Variants in HDX observed in about 807,000 individuals in gnomAD.
HDX encodes the protein chromosome X open reading frame 43.
Under a neutral mutation model 45.2 loss-of-function variants are expected in HDX, and 19 were observed. The ratio of observed to expected loss-of-function variants is 0.42; its 90% CI spans 0.29 to 0.62. HDX has a LOEUF of 0.62. HDX is among the 20% of genes least tolerant of loss of function. HDX has a pLI of 0.20. For missense variants in HDX, 532 were observed against 493.9 expected (o/e 1.08, Z -0.73); for synonymous variants, 188 against 172.8 (o/e 1.09, Z -0.69).
intron 6 of HDX, among the ~76,000 whole-genome samples, chrX:84,354,544 A>G (rs1490478809): frequency 1.8e-5 from 2 of 110,582 alleles, no homozygotes; most frequent in African/African-American, 6.6e-5. Context: ...TCCTCAGGGA[A>G]CTTAAATGTA....
At chrX:84,415,489 G>A (rs747121899) in intron 5 of HDX, among the ~76,000 whole-genome samples, 1 of 111,809 alleles carries the variant, frequency 8.9e-6, no homozygotes, top group Non-Finnish European at 1.9e-5. Flanking sequence ...TAATTAGGGA[G>A]TACTGAACCT....
chrX:84,327,225 A>T (rs1250538485), intron 9 of HDX, among the ~76,000 whole-genome samples: 1 of 111,777 alleles, frequency 8.9e-6, no homozygotes, highest in East Asian at 2.8e-4. Flanking sequence ...AATATTTGGG[A>T]GTATTCTAGT....
At chrX:84,369,485 A>T (rs752665917) in intron 5 of HDX, among the ~76,000 whole-genome samples, 1 of 111,318 alleles carries the variant, frequency 9.0e-6, no homozygotes, top group South Asian at 3.8e-4. Flanking sequence ...TTTTTGAGAA[A>T]CCTCCATACT....
chrX:84,377,418 T>A (rs2038082903), intron 5 of HDX, among the ~76,000 whole-genome samples: 1 of 111,538 alleles, frequency 9.0e-6, no homozygotes, highest in African/African-American at 3.3e-5. Context: ...CACAAGGGAC[T>A]AATCCTGGAG....
chrX:84,397,328 G>A (rs1157024886), intron 5 of HDX, among the ~76,000 whole-genome samples: 1 of 111,762 alleles, frequency 8.9e-6, no homozygotes, highest in Non-Finnish European at 1.9e-5. Context: ...TGGGATCTGG[G>A]ATCTCAAAAT....
chrX:84,403,306 AT>A (rs1226012244), intron 5 of HDX, among the ~76,000 whole-genome samples: 1 of 111,334 alleles, frequency 9.0e-6, no homozygotes, highest in African/African-American at 3.3e-5. Flanking sequence ...TGTCTTTTAG[AT>A]TTTTTTCTAT....
At chrX:84,394,922 TATA>T (rs754914016) in intron 5 of HDX, among the ~76,000 whole-genome samples, 2 of 111,316 alleles carry the variant, frequency 1.8e-5, no homozygotes, top group East Asian at 5.7e-4. Flanking sequence ...GTAGGCAGCA[TATA>T]ACTGGGTCAC....
intron 6 of HDX, among the ~76,000 whole-genome samples, chrX:84,355,808 C>T (rs1334853518): frequency 9.3e-6 from 1 of 107,403 alleles, no homozygotes; most frequent in Non-Finnish European, 1.9e-5. Context: ...AGTATACGCA[C>T]GTAACAAACC....
At chrX:84,438,698 T>A (rs1269952107) in intron 5 of HDX, among the ~76,000 whole-genome samples, 1 of 111,284 alleles carries the variant, frequency 9.0e-6, no homozygotes, top group Non-Finnish European at 1.9e-5. Flanking sequence ...TCCAGCTGCA[T>A]CTATGTTGCT....
intron 1 of HDX, among the ~76,000 whole-genome samples, chrX:84,497,682 G>A (rs2041031022): frequency 2.1e-5 from 1 of 48,465 alleles, no homozygotes; most frequent in Non-Finnish European, 4.2e-5. Context: ...AAATATACAT[G>A]TTATATGACT....
intron 1 of HDX, among the ~76,000 whole-genome samples, chrX:84,489,771 T>C (rs2040858995): frequency 8.9e-6 from 1 of 111,929 alleles, no homozygotes; most frequent in African/African-American, 3.2e-5. Context: ...ATTAACCAGC[T>C]TCTAGAACAA....
intron 4 of HDX, among the ~76,000 whole-genome samples, chrX:84,453,198 C>T (rs2040040007): frequency 1.8e-5 from 2 of 112,304 alleles, no homozygotes; most frequent in African/African-American, 6.5e-5. Context: ...TTGTCCTCCG[C>T]TCAAGAATAC....
At chrX:84,470,432 C>T (rs1181521257) in intron 3 of HDX, among the ~76,000 whole-genome samples, 1 of 111,312 alleles carries the variant, frequency 9.0e-6, no homozygotes, top group African/African-American at 3.3e-5. Flanking sequence ...TTACCTTTAC[C>T]TATTTTTATA....
intron 1 of HDX, among the ~76,000 whole-genome samples, chrX:84,490,257 T>G (rs748542191): frequency 3.4e-4 from 38 of 111,661 alleles, no homozygotes; most frequent in Non-Finnish European, 6.0e-4. Context: ...ATTTATGCTC[T>G]TAGCATTATC....
chrX:84,476,416 G>A (rs1404105583), intron 2 of HDX, among the ~76,000 whole-genome samples: 1 of 108,777 alleles, frequency 9.2e-6, no homozygotes, highest in Non-Finnish European at 1.9e-5. Context: ...ATGGTGGTGT[G>A]AGCCTGTGGT....
intron 4 of HDX, among the ~76,000 whole-genome samples, chrX:84,468,106 T>C (rs916150247): frequency 5.4e-5 from 6 of 111,001 alleles, no homozygotes; most frequent in African/African-American, 2.0e-4. Context: ...CTCCCCAAAA[T>C]GCAACTGAAA....
At chrX:84,445,054 T>G (rs902150193) in intron 4 of HDX, among the ~76,000 whole-genome samples, 2 of 112,268 alleles carry the variant, frequency 1.8e-5, no homozygotes, top group Non-Finnish European at 3.8e-5. Context: ...AATTATTTTA[T>G]GTAGTCACAC....
At chrX:84,423,378 C>A (rs992624364) in intron 5 of HDX, among the ~76,000 whole-genome samples, 3 of 108,885 alleles carry the variant, frequency 2.8e-5, no homozygotes, top group Non-Finnish European at 5.7e-5. Flanking sequence ...AGAACTAATA[C>A]CAATCCTACT....
chrX:84,391,816 T>G (rs1399529084), intron 5 of HDX, among the ~76,000 whole-genome samples: 2 of 111,688 alleles, frequency 1.8e-5, no homozygotes, highest in Non-Finnish European at 3.8e-5. Context: ...GTTATTAGAG[T>G]CCCTTGTATA....
Sources: gnomAD v4.1 joint callset for allele counts (sites outside exome capture counted in the v4.1 genomes callset) on GRCh38, gnomAD v4.1.1 for gene constraint, MANE v1.5 for transcripts, NCBI Gene and HGNC (gene_info 2026-07-23, HGNC 2026-07-21) for gene names.